Variants in FRMPD4 observed in about 807,000 individuals in gnomAD.
FRMPD4 encodes the protein FERM and PDZ domain containing 4.
FRMPD4 carries 22 observed loss-of-function variants against 94.1 expected under a neutral mutation model. That is an observed-to-expected ratio of 0.23 (90% CI 0.17 to 0.33). The LOEUF (loss-of-function observed/expected upper bound fraction) is 0.33, where lower values mean the gene tolerates loss of function less well. Among genes scored for constraint, FRMPD4 ranks in the 10% least tolerant of loss-of-function variants. FRMPD4 has a pLI of 1.00. For synonymous variants in FRMPD4, 631 were observed against 548.6 expected (o/e 1.15, Z -2.10); for missense variants, 1,111 against 1,339.9 (o/e 0.83, Z 2.67).
chrX:12,021,583 G>A (rs1028111655), intron 3 of FRMPD4, among the ~76,000 whole-genome samples: 2 of 111,261 alleles, frequency 1.8e-5, no homozygotes, highest in African/African-American at 6.5e-5. Flanking sequence ...GTTCTATTAG[G>A]AAAAGCCTCC....
intron 1 of FRMPD4, among the ~76,000 whole-genome samples, chrX:12,197,205 C>T (rs2056577189): frequency 9.0e-6 from 1 of 111,032 alleles, no homozygotes; most frequent in African/African-American, 3.3e-5. Context: ...GCAAAATGAG[C>T]ATGTGTGGAC....
At chrX:12,064,042 C>T (rs1277486258) in intron 3 of FRMPD4, among the ~76,000 whole-genome samples, 2 of 111,715 alleles carry the variant, frequency 1.8e-5, no homozygotes, top group African/African-American at 3.3e-5. Flanking sequence ...GTGAACCTTC[C>T]ATATGTCTAT....
At chrX:12,294,931 AAGT>A (rs1479804441) in intron 1 of FRMPD4, among the ~76,000 whole-genome samples, 1 of 112,306 alleles carries the variant, frequency 8.9e-6, no homozygotes, top group East Asian at 2.8e-4. Context: ...CATAGGATTC[AAGT>A]ATAAAAAAAT....
At chrX:12,066,371 T>C (rs768966211) in intron 3 of FRMPD4, among the ~76,000 whole-genome samples, 22 of 112,069 alleles carry the variant, frequency 2.0e-4, no homozygotes, top group Admixed American at 4.7e-4. Context: ...TCTGTAATCT[T>C]TCATGATTGG....
chrX:12,561,742 A>G (rs1402978059), intron 2 of FRMPD4, among the ~76,000 whole-genome samples: 1 of 112,301 alleles, frequency 8.9e-6, no homozygotes, highest in East Asian at 2.8e-4. Flanking sequence ...CCCTGTCAAC[A>G]ATCTTATGGC....
chrX:12,227,813 G>T (rs946915255), intron 1 of FRMPD4, among the ~76,000 whole-genome samples: 2 of 98,491 alleles, frequency 2.0e-5, no homozygotes, highest in Non-Finnish European at 4.0e-5. Context: ...AGAAAAAAAA[G>T]AGAAAGAGAG....
At chrX:12,068,363 C>T (rs182092941) in intron 3 of FRMPD4, among the ~76,000 whole-genome samples, 237 of 108,813 alleles carry the variant, frequency 2.2e-3, no homozygotes, top group African/African-American at 7.6e-3. Context: ...AAGAAACTAA[C>T]GCAATAAAAA....
chrX:11,943,496 G>A (rs1312332075), intron 3 of FRMPD4, among the ~76,000 whole-genome samples: 3 of 110,859 alleles, frequency 2.7e-5, no homozygotes, highest in Admixed American at 9.6e-5. Flanking sequence ...ATCCCATGGC[G>A]GAAGAGCAGA....
At chrX:12,180,590 G>T (rs1352740373) in intron 1 of FRMPD4, among the ~76,000 whole-genome samples, 1 of 112,343 alleles carries the variant, frequency 8.9e-6, no homozygotes, top group African/African-American at 3.2e-5. Flanking sequence ...TACCAAGCTG[G>T]AATAAAGAGC....
chrX:12,105,890 T>G (rs1197906616), intron 3 of FRMPD4, among the ~76,000 whole-genome samples: 2 of 112,159 alleles, frequency 1.8e-5, no homozygotes, highest in South Asian at 3.7e-4. Context: ...ATTTGCATCA[T>G]AGTTGGTCTG....
rs373384203 is a variant in FRMPD4, at chrX:12,690,172, C to T, written c.682-23C>T. 2.8e-4 allele frequency: 332 copies of T among 1,187,262 alleles called. 1 individual carries two copies. Among genetic ancestry groups the T allele is most frequent in the Non-Finnish European group, 3.3e-4 (294 of 880,012 alleles). On this transcript the variant is annotated intron_variant, in intron 7 of 16. Coordinates refer to ENST00000675598, the MANE Select transcript of FRMPD4 (RefSeq NM_001368397.1). ...ATGGCAGCTTCGATTTTGGTCTCAT[C>T]ATGTTCATGTTTCCTCTGTAAGGAT... is the stretch of plus-strand genomic sequence containing the variant.
intron 4 of FRMPD4, among the ~76,000 whole-genome samples, chrX:12,636,273 G>T: frequency 9.0e-6 from 1 of 110,650 alleles, no homozygotes; most frequent in Non-Finnish European, 1.9e-5. Flanking sequence ...CTTTTTTATT[G>T]TCTTTGAAAA....
intron 1 of FRMPD4, among the ~76,000 whole-genome samples, chrX:12,259,768 G>C (rs1186486402): frequency 9.0e-6 from 1 of 111,307 alleles, no homozygotes; most frequent in African/African-American, 3.3e-5. Flanking sequence ...AAGAATGTGG[G>C]TTTAGAGATC....
At chrX:12,233,860 ATCTTACAATAG>A (rs2147782197) in intron 1 of FRMPD4, among the ~76,000 whole-genome samples, 1 of 111,679 alleles carries the variant, frequency 9.0e-6, no homozygotes, top group Non-Finnish European at 1.9e-5. Context: ...GTTCCCAGGG[ATCTTACAATAG>A]TCTTTGTACA....
rs185745651 is a variant in FRMPD4 at position 12,286,525 on chromosome X, T to C, written c.41+147513T>C. On this transcript the variant is annotated intron_variant, in intron 1 of 16. Transcript: ENST00000675598. Reference sequence around the variant, plus strand: ...ATGAAATTCATGAAACACACACTTATGCTTTTGAGTAAGCCCCATGTACTG... The same window carrying C: ...ATGAAATTCATGAAACACACACTTACGCTTTTGAGTAAGCCCCATGTACTG... Among the ~76,000 whole-genome samples, 213 of 112,369 alleles carry C rather than the reference T, an allele frequency of 1.9e-3. 1 individual carries two copies. Among genetic ancestry groups the C allele is most frequent in the Non-Finnish European group, 3.6e-3 (189 of 53,220 alleles).
At chrX:12,010,420 A>G (rs1430392400) in intron 3 of FRMPD4, among the ~76,000 whole-genome samples, 2 of 112,200 alleles carry the variant, frequency 1.8e-5, no homozygotes, top group South Asian at 3.7e-4. Flanking sequence ...GATTAAAAAA[A>G]TAAATAATAT....
intron 1 of FRMPD4, among the ~76,000 whole-genome samples, chrX:12,257,377 T>C (rs1385700183): frequency 8.9e-6 from 1 of 112,022 alleles, no homozygotes; most frequent in Non-Finnish European, 1.9e-5. Context: ...CCTTCTAGCA[T>C]ACACACACAC....
chrX:12,009,928 A>C (rs1330635514), intron 3 of FRMPD4, among the ~76,000 whole-genome samples: 1 of 112,075 alleles, frequency 8.9e-6, no homozygotes, highest in Non-Finnish European at 1.9e-5. Context: ...TTTAGAAACA[A>C]AATAGTTTTA....
intron 4 of FRMPD4, among the ~76,000 whole-genome samples, chrX:12,666,472 T>G (rs774083290): frequency 3.6e-5 from 4 of 111,674 alleles, no homozygotes. Context: ...ATCAACAGAA[T>G]ATACATCCTT....
Sources: gnomAD v4.1 joint callset for allele counts (sites outside exome capture counted in the v4.1 genomes callset) on GRCh38, gnomAD v4.1.1 for gene constraint, MANE v1.5 for transcripts, NCBI Gene and HGNC (gene_info 2026-07-23, HGNC 2026-07-21) for gene names.